Variants in RTL4 observed in about 807,000 individuals in gnomAD.
RTL4 encodes retrotransposon Gag like 4.
RTL4 carries 4 observed loss-of-function variants against 5.3 expected under a neutral mutation model. That is an observed-to-expected ratio of 0.75 (90% CI 0.37 to 1.72). RTL4 has a LOEUF of 1.72. Ranked by LOEUF, RTL4 falls within the 40% of genes most tolerant of loss-of-function variation. The probability of loss-of-function intolerance (pLI) is 0.04; values close to 1 mark genes in which losing one functional copy is unlikely to be tolerated. For synonymous variants in RTL4, 98 were observed against 87.3 expected, an observed-to-expected ratio of 1.12 and a Z score of -0.68; for missense variants, 260 against 227.1, an observed-to-expected ratio of 1.14 and a Z score of -0.93.
chrX:112,316,699 A>C, the RTL4 span, among the ~76,000 whole-genome samples: 1 of 111,996 alleles, frequency 8.9e-6, no homozygotes, highest in Non-Finnish European at 1.9e-5. Flanking sequence ...ACATTTTACC[A>C]ACTTATTCTC....
At chrX:112,342,070 G>T in the RTL4 span, among the ~76,000 whole-genome samples, 2 of 111,216 alleles carry the variant, frequency 1.8e-5, no homozygotes, top group Non-Finnish European at 3.8e-5. Context: ...TAGCACTGTG[G>T]TTAGTCTGTA....
At chrX:112,401,857 C>T in the RTL4 span, among the ~76,000 whole-genome samples, 1 of 112,208 alleles carries the variant, frequency 8.9e-6, no homozygotes, top group Non-Finnish European at 1.9e-5. Flanking sequence ...TTCAATAGCT[C>T]CCTATTGCCA....
the RTL4 span, among the ~76,000 whole-genome samples, chrX:112,420,036 CT>C: frequency 5.6e-5 from 6 of 107,094 alleles, no homozygotes; most frequent in South Asian, 2.0e-3. Flanking sequence ...GTGGCTGTGA[CT>C]TTTTTTTTTC....
the RTL4 span, among the ~76,000 whole-genome samples, chrX:112,183,496 A>T: frequency 2.7e-4 from 30 of 112,343 alleles, no homozygotes; most frequent in Admixed American, 2.6e-3. Context: ...AGCAAAAAAA[A>T]AGCAGGGGTT....
chrX:112,170,672 C>T, the RTL4 span, among the ~76,000 whole-genome samples: 6 of 111,643 alleles, frequency 5.4e-5, 1 homozygote, highest in Non-Finnish European at 7.5e-5. Context: ...TTTCTAGATA[C>T]AGGATCATGT....
At chrX:112,327,859 C>T in the RTL4 span, among the ~76,000 whole-genome samples, 1 of 111,150 alleles carries the variant, frequency 9.0e-6, no homozygotes, top group Non-Finnish European at 1.9e-5. Flanking sequence ...ATTCAACATT[C>T]TTAAAGAAAA....
chrX:112,414,703 A>G, the RTL4 span, among the ~76,000 whole-genome samples: 1 of 111,774 alleles, frequency 8.9e-6, no homozygotes, highest in African/African-American at 3.2e-5. Flanking sequence ...ACATGAAGAG[A>G]AGGTGACTTG....
chrX:112,133,032 C>T, the RTL4 span, among the ~76,000 whole-genome samples: 1 of 112,118 alleles, frequency 8.9e-6, no homozygotes, highest in Non-Finnish European at 1.9e-5. Context: ...TTTCTTAAAA[C>T]TCTTGTATTC....
At chrX:112,398,573 G>A in the RTL4 span, among the ~76,000 whole-genome samples, 2 of 108,696 alleles carry the variant, frequency 1.8e-5, no homozygotes, top group Non-Finnish European at 3.8e-5. Context: ...CTAATTTTTT[G>A]TATTTTTAGT....
chrX:112,239,239 G>A, the RTL4 span, among the ~76,000 whole-genome samples: 2 of 111,406 alleles, frequency 1.8e-5, no homozygotes, highest in African/African-American at 6.5e-5. Context: ...TACCTGGCAG[G>A]GGCAGGTGGC....
the RTL4 span, among the ~76,000 whole-genome samples, chrX:112,131,035 G>A: frequency 3.8e-5 from 4 of 106,352 alleles, no homozygotes; most frequent in African/African-American, 1.5e-4. Flanking sequence ...TCCTGACCTC[G>A]TGATCCACCT....
the RTL4 span, among the ~76,000 whole-genome samples, chrX:112,365,806 T>C: frequency 2.6e-4 from 29 of 111,157 alleles, no homozygotes; most frequent in African/African-American, 9.2e-4. Flanking sequence ...TCTTACTCCA[T>C]TCTCTTAATC....
chrX:112,249,030 G>A, the RTL4 span, among the ~76,000 whole-genome samples: 1 of 112,241 alleles, frequency 8.9e-6, no homozygotes, highest in African/African-American at 3.2e-5. Flanking sequence ...ACTGCTTTTT[G>A]TCTTTAAGGC....
exon 1 of RTL4, chrX:112,455,637 G>A (rs199508249): frequency 4.1e-5 from 50 of 1,207,092 alleles, no homozygotes; most frequent in Admixed American, 3.1e-4. Context: ...CTCCGGCAAC[G>A]ACAAATAACA....
chrX:112,157,725 A>C, the RTL4 span, among the ~76,000 whole-genome samples: 1 of 112,206 alleles, frequency 8.9e-6, no homozygotes, highest in Non-Finnish European at 1.9e-5. Context: ...TCTGGCACAG[A>C]AAGCCTCAAC....
At chrX:112,149,630 A>G in the RTL4 span, among the ~76,000 whole-genome samples, 1 of 112,272 alleles carries the variant, frequency 8.9e-6, no homozygotes, top group Non-Finnish European at 1.9e-5. Context: ...CACCTTTGAT[A>G]TTGAACCCTT....
the RTL4 span, among the ~76,000 whole-genome samples, chrX:112,168,933 C>CTT: frequency 4.3e-4 from 25 of 57,734 alleles, no homozygotes; most frequent in Non-Finnish European, 5.2e-4. Flanking sequence ...TTCTTTCTTT[C>CTT]TTTCTTTTTC....
chrX:112,302,087 C>T, the RTL4 span, among the ~76,000 whole-genome samples: 3 of 109,496 alleles, frequency 2.7e-5, no homozygotes, highest in Admixed American at 2.0e-4. Context: ...GGTGAAACCC[C>T]GTCTCTACTA....
chrX:112,345,835 C>T, the RTL4 span, among the ~76,000 whole-genome samples: 33 of 111,577 alleles, frequency 3.0e-4, no homozygotes, highest in Non-Finnish European at 5.1e-4. Context: ...TCTGTTTTTG[C>T]TTGTCTTATT....
Sources: gnomAD v4.1 joint callset for allele counts (sites outside exome capture counted in the v4.1 genomes callset) on GRCh38, gnomAD v4.1.1 for gene constraint, MANE v1.5 for transcripts, NCBI Gene and HGNC (gene_info 2026-07-23, HGNC 2026-07-21) for gene names.